CNTNAP2: variants seen among roughly 807,000 people sequenced by gnomAD.
The protein encoded by CNTNAP2 is contactin associated protein 2.
CNTNAP2 carries 98 observed loss-of-function variants against 155.2 expected under a neutral mutation model. That is an observed-to-expected ratio of 0.63 (90% CI 0.54 to 0.75). The LOEUF is 0.75. Among genes scored for constraint, CNTNAP2 ranks in the 30% least tolerant of loss-of-function variants. CNTNAP2 has a pLI of 0.00. For synonymous variants in CNTNAP2, 651 were observed against 631.2 expected (o/e 1.03, Z -0.47); for missense variants, 1,727 against 1,688.1 (o/e 1.02, Z -0.40).
intron 14 of CNTNAP2, among the ~76,000 whole-genome samples, chr7:147,940,897 C>T (rs1454737709): frequency 6.6e-6 from 1 of 152,162 alleles, no homozygotes; most frequent in African/African-American, 2.4e-5. Context: ...AACTGTAAGT[C>T]CAAACAATAG....
intron 14 of CNTNAP2, among the ~76,000 whole-genome samples, chr7:147,935,097 T>G (rs913168106): frequency 6.6e-6 from 1 of 152,050 alleles, no homozygotes; most frequent in Non-Finnish European, 1.5e-5. Context: ...GTTTTTTGTT[T>G]TTTTTTTTAA....
chr7:146,256,206 T>C (rs1237477728), intron 1 of CNTNAP2, among the ~76,000 whole-genome samples: 1 of 152,166 alleles, frequency 6.6e-6, no homozygotes, highest in African/African-American at 2.4e-5. Flanking sequence ...CACTACTTTC[T>C]AATTCTAAGT....
intron 2 of CNTNAP2, among the ~76,000 whole-genome samples, chr7:146,810,917 A>G (rs1803054717): frequency 6.6e-6 from 1 of 152,112 alleles, no homozygotes; most frequent in African/African-American, 2.4e-5. Context: ...CCTTCATTCT[A>G]TTAATATAGT....
intron 13 of CNTNAP2, among the ~76,000 whole-genome samples, chr7:147,842,487 G>C (rs1317854121): frequency 6.6e-6 from 1 of 151,530 alleles, no homozygotes; most frequent in African/African-American, 2.4e-5. Context: ...TGAGAACAAG[G>C]GGGAAGAGAA....
At chr7:146,615,049 G>A (rs1173649521) in intron 1 of CNTNAP2, among the ~76,000 whole-genome samples, 1 of 152,136 alleles carries the variant, frequency 6.6e-6, no homozygotes, top group Non-Finnish European at 1.5e-5. Context: ...ACTAATCTTG[G>A]TGATTTGGGG....
intron 8 of CNTNAP2, among the ~76,000 whole-genome samples, chr7:147,249,604 T>TCAAAAA (rs1804143153): frequency 1.4e-5 from 1 of 70,030 alleles, no homozygotes; most frequent in Non-Finnish European, 2.4e-5. Flanking sequence ...ACATTGGAGG[T>TCAAAAA]AAAAAAAAAA....
At chr7:146,572,814 G>A (rs1461226110) in intron 1 of CNTNAP2, among the ~76,000 whole-genome samples, 1 of 152,070 alleles carries the variant, frequency 6.6e-6, no homozygotes, top group Non-Finnish European at 1.5e-5. Context: ...TTGGACAAAA[G>A]TAACGATATT....
chr7:146,684,856 C>T (rs777172024), intron 1 of CNTNAP2, among the ~76,000 whole-genome samples: 5 of 152,036 alleles, frequency 3.3e-5, no homozygotes, highest in African/African-American at 7.2e-5. Context: ...AATGGTGCTC[C>T]GTGACCTTGA....
At position 146,298,334 on chromosome 7, in the gene CNTNAP2, A is replaced by G. The variant is rs374317122; in HGVS notation, c.97+181361A>G. 9.2e-5 allele frequency among the ~76,000 whole-genome samples: 14 copies of G among 152,326 alleles called. No individual in the cohort carries two copies. The East Asian group carries it at 1.5e-3, about 17-fold the overall frequency. On this transcript the variant is annotated intron_variant, in intron 1 of 23. Coordinates refer to ENST00000361727, the MANE Select transcript of CNTNAP2 (RefSeq NM_014141.6). The stretch of plus-strand genomic sequence containing the variant: ...ACAGGGTTTTCCTGCAGAAGGCTAC[A>G]CATTCAAGCATAAAAAAAGAATGTA...
intron 8 of CNTNAP2, among the ~76,000 whole-genome samples, chr7:147,158,038 C>T (rs924634652): frequency 1.3e-5 from 2 of 151,972 alleles, no homozygotes; most frequent in African/African-American, 4.8e-5. Flanking sequence ...AATAAAAACA[C>T]TCAGCTAAAT....
intron 9 of CNTNAP2, among the ~76,000 whole-genome samples, chr7:147,322,273 T>A (rs1253961248): frequency 6.6e-6 from 1 of 152,168 alleles, no homozygotes; most frequent in Non-Finnish European, 1.5e-5. Flanking sequence ...TAACCAAATA[T>A]CCAGGTAAAG....
At chr7:146,826,748 T>A (rs933807072) in intron 2 of CNTNAP2, among the ~76,000 whole-genome samples, 5 of 152,050 alleles carry the variant, frequency 3.3e-5, no homozygotes, top group African/African-American at 1.2e-4. Context: ...ATCCAAGGAT[T>A]TCTCCAAGAT....
chr7:146,486,824 A>AT (rs1337773200), intron 1 of CNTNAP2, among the ~76,000 whole-genome samples: 5 of 152,128 alleles, frequency 3.3e-5, no homozygotes, highest in African/African-American at 1.2e-4. Flanking sequence ...TTCCTGTCTC[A>AT]TTTTTTCACA....
At chr7:147,245,905 G>T (rs1804050625) in intron 8 of CNTNAP2, among the ~76,000 whole-genome samples, 1 of 150,416 alleles carries the variant, frequency 6.6e-6, no homozygotes, top group Non-Finnish European at 1.5e-5. Context: ...ATCTGTGTGT[G>T]TGTATACACA....
At position 148,331,100 on chromosome 7, in the gene CNTNAP2, T is replaced by G. The variant is rs1411120497; in HGVS notation, c.3476-52549T>G. 2.0e-3 allele frequency among the ~76,000 whole-genome samples: 285 copies of G among 139,582 alleles called. 1 individual carries two copies. Among genetic ancestry groups the G allele is most frequent in the Non-Finnish European group, 2.6e-3 (169 of 65,600 alleles). 91.6% of individuals were successfully genotyped at this position (139,582 alleles called of 152,430 possible). A position where few individuals can be genotyped will look rare whatever the true frequency, so the allele number is the denominator to read the frequency against. On this transcript the variant is annotated intron_variant, in intron 21 of 23. Coordinates refer to ENST00000361727, the MANE Select transcript of CNTNAP2 (RefSeq NM_014141.6). ...GGATAGATGGAGTGGACGGATGGAATGGACAGATGGAGTCAATGGATGGGA... is the reference window on the plus strand; with the variant it reads ...GGATAGATGGAGTGGACGGATGGAAGGGACAGATGGAGTCAATGGATGGGA...
intron 12 of CNTNAP2, among the ~76,000 whole-genome samples, chr7:147,571,954 C>T (rs1372492215): frequency 6.6e-6 from 1 of 152,202 alleles, no homozygotes; most frequent in Non-Finnish European, 1.5e-5. Context: ...TCCTCTTTGT[C>T]GACCTCTCAC....
intron 1 of CNTNAP2, among the ~76,000 whole-genome samples, chr7:146,166,310 C>G (rs906428903): frequency 6.6e-6 from 1 of 152,124 alleles, no homozygotes; most frequent in African/African-American, 2.4e-5. Context: ...TCAGGCTGGT[C>G]TCAAATTCCT....
intron 21 of CNTNAP2, among the ~76,000 whole-genome samples, chr7:148,324,882 G>T (rs1160607005): frequency 6.6e-6 from 1 of 151,694 alleles, no homozygotes; most frequent in African/African-American, 2.4e-5. Context: ...CATAGGACAT[G>T]TATTGAATGA....
intron 12 of CNTNAP2, among the ~76,000 whole-genome samples, chr7:147,579,368 A>G (rs1800454567): frequency 6.6e-6 from 1 of 152,192 alleles, no homozygotes; most frequent in Non-Finnish European, 1.5e-5. Context: ...TTTCAGGCAT[A>G]GGTACACAGT....
Sources: gnomAD v4.1 joint callset for allele counts (sites outside exome capture counted in the v4.1 genomes callset) on GRCh38, gnomAD v4.1.1 for gene constraint, MANE v1.5 for transcripts, NCBI Gene and HGNC (gene_info 2026-07-23, HGNC 2026-07-21) for gene names.